RAPGEF3: variants seen among roughly 807,000 people sequenced by gnomAD.
RAPGEF3 encodes the protein 9330170P05Rik.
In RAPGEF3, 103 loss-of-function variants were observed where a neutral mutation model predicts 129.8. The observed-to-expected ratio is 0.79, with a 90% CI of 0.68 to 0.93. The LOEUF is 0.93. Ranked by LOEUF, RAPGEF3 falls within the 40% of genes least tolerant of loss-of-function variation. The pLI is 0.00. For missense variants in RAPGEF3, 1,117 were observed against 1,207.4 expected, an observed-to-expected ratio of 0.93 and a Z score of 1.11; for synonymous variants, 436 against 482.6, an observed-to-expected ratio of 0.90 and a Z score of 1.26.
At chr12:47,737,917 G>T (rs1565746319) in intron 27 of RAPGEF3, 105 bp downstream of exon 27, 30 of 1,396,582 alleles carry the variant, frequency 2.1e-5, no homozygotes, top group Admixed American at 5.4e-5. Flanking sequence ...GTATGGAAGG[G>T]CCGGGCTCCG....
rs1474567672 is a variant in RAPGEF3 at position 47,750,438 on chromosome 12, G to A, written c.672-13C>T. On this transcript the variant is annotated splice_polypyrimidine_tract_variant and intron_variant, in intron 6 of 27. Coordinates refer to ENST00000449771, the MANE Select transcript of RAPGEF3 (RefSeq NM_001098531.4). ...GCGCTGACCTGGGCTGCAGGGACAG[G>A]AGGAATGGGAGCACACTGTGAACTG... The A allele has an allele frequency of 6.2e-7, 1 of 1,609,072 alleles. No individual in the cohort carries two copies.
chr12:47,751,367 C>G, intron 5 of RAPGEF3, 32 bp downstream of exon 5: 1 of 1,611,158 alleles, frequency 6.2e-7, no homozygotes, highest in Non-Finnish European at 8.5e-7. Context: ...CCCAGCCCAG[C>G]CCGGGGCACC....
At chr12:47,741,929 A>G (rs1941193363) in intron 18 of RAPGEF3, 2 of 344,338 alleles carry the variant, frequency 5.8e-6, no homozygotes, top group South Asian at 3.4e-5. Context: ...GTCAAATAAA[A>G]TAATGTATAT....
rs868279697 is a variant in RAPGEF3 at position 47,740,415 on chromosome 12, A to C, written c.2232-20T>G. Reference sequence around the variant, plus strand: ...TTGAGGCTGTGAGCAGAAGACCCAGAGACCCTCAGGGTAAGGGAAGCAGCC... The same window carrying C: ...TTGAGGCTGTGAGCAGAAGACCCAGCGACCCTCAGGGTAAGGGAAGCAGCC... On this transcript the variant is annotated intron_variant, in intron 21 of 27. Coordinates refer to ENST00000449771, the MANE Select transcript of RAPGEF3 (RefSeq NM_001098531.4). 1.3e-5 allele frequency: 21 copies of C among 1,611,784 alleles called. No individual in the cohort carries two copies. In the Middle Eastern group the frequency reaches 3.1e-3, roughly 240 times the overall value.
chr12:47,746,823 G>A (rs773202706), intron 16 of RAPGEF3, 37 bp downstream of exon 16: 23 of 1,568,334 alleles, frequency 1.5e-5, no homozygotes, highest in South Asian at 8.3e-5. Flanking sequence ...TGCAGTCCAG[G>A]AGGAGCAGAG....
In RAPGEF3 at chr12:47,740,294, A is replaced by C; in HGVS notation, c.2322+11T>G. The C allele has an allele frequency of 6.2e-7, 1 of 1,613,794 alleles. No individual in the cohort carries two copies. Among genetic ancestry groups the C allele is most frequent in the Non-Finnish European group, 8.5e-7 (1 of 1,179,754 alleles). ...CTGACCTCAGGAGGGGGCCCTCCAGACCACACTTACCTCCCAGGTGTGGGC... is the reference window on the plus strand; with the variant it reads ...CTGACCTCAGGAGGGGGCCCTCCAGCCCACACTTACCTCCCAGGTGTGGGC... On this transcript the variant is annotated intron_variant, in intron 22 of 27. Coordinates refer to ENST00000449771, the MANE Select transcript of RAPGEF3 (RefSeq NM_001098531.4).
At position 47,735,465 on chromosome 12, in the gene RAPGEF3, TG is replaced by T. The variant is rs1007942000; in HGVS notation, c.*2101del. The T allele has an allele frequency of 3.3e-5, 5 of 152,258 alleles. No individual in the cohort carries two copies. The highest frequency in any genetic ancestry group is 1.2e-4 in the African/African-American group (5 of 41,454). The allele number at this position is 152,258 out of a possible 1,614,324, so 9.4% of individuals were successfully genotyped here. On this transcript the variant is annotated 3_prime_UTR_variant, in exon 28 of 28. Transcript: ENST00000449771. Reference sequence around the variant, plus strand: ...GTCCTCTGGGAGTGGCCTGGCCCCCTGGGCCGCAACTCTTCTAGCTCCCAGA... The same window carrying T: ...GTCCTCTGGGAGTGGCCTGGCCCCCTGGCCGCAACTCTTCTAGCTCCCAGA...
intron 18 of RAPGEF3, chr12:47,742,126 T>C (rs1941202347): frequency 6.5e-6 from 1 of 152,686 alleles, no homozygotes; most frequent in African/African-American, 2.4e-5. Context: ...GGGGAAAATA[T>C]GAGCTCTTCT....
rs529873032 is a variant in RAPGEF3, at chr12:47,758,811, G to C, written c.-255C>G. 34 of 1,233,452 alleles carry C rather than the reference G, an allele frequency of 2.8e-5. No individual in the cohort carries two copies. The South Asian group carries it at 1.1e-3, about 38-fold the overall frequency. The allele number at this position is 1,233,452 out of a possible 1,614,324, so 76.4% of individuals were successfully genotyped here. A position where few individuals can be genotyped will look rare whatever the true frequency, so the allele number is the denominator to read the frequency against. On this transcript the variant is annotated 5_prime_UTR_variant, in exon 1 of 28. Coordinates refer to ENST00000449771, the MANE Select transcript of RAPGEF3 (RefSeq NM_001098531.4). ...GCCACCCAGCCACCGGCGACAGGGA[G>C]CCCCGAGCCTGCGCCTTCGTCTCAG...
In RAPGEF3 at chr12:47,737,572, G is replaced by C. The variant is rs756896746; in HGVS notation, c.2767C>G (p.Pro923Ala). 1.1e-5 allele frequency: 18 copies of C among 1,611,774 alleles called. No individual in the cohort carries two copies. In the African/African-American group the frequency reaches 2.3e-4, roughly 20 times the overall value. The change falls in exon 28 of 28, where the codon CCA becomes GCA. Residue 923 changes from proline to alanine, a missense_variant. Transcript: ENST00000449771. ...ELSRLSRELE[P>A] ...GCTCCAGTCCCAGCCCCTCCTCATGGCTCCAGCTCTCGGGAGAGGCGGGAG... is the reference window on the plus strand; with the variant it reads ...GCTCCAGTCCCAGCCCCTCCTCATGCCTCCAGCTCTCGGGAGAGGCGGGAG...
chr12:47,753,066 A>T (rs796786644), intron 2 of RAPGEF3, among the ~76,000 whole-genome samples: 18 of 152,328 alleles, frequency 1.2e-4, no homozygotes, highest in African/African-American at 4.3e-4. Context: ...CAAAGGGCTC[A>T]CTTTACAGTT....
Position 47,748,103 on chromosome 12 carries a change from G to A in RAPGEF3, c.1293C>T (p.Ser431=), listed in dbSNP as rs142627822. ...FLLTHRVFMP[S]AQLCAALLHH... Reference sequence around the variant, plus strand: ...GCAGAAGGGCAGCGCAGAGTTGGGCGCTGGGCATGAAGACCCTGTGGGTCA... The same window carrying A: ...GCAGAAGGGCAGCGCAGAGTTGGGCACTGGGCATGAAGACCCTGTGGGTCA... The change falls in exon 13 of 28, where the codon AGC becomes AGT. Residue 431 remains serine (S), a synonymous_variant. Transcript: ENST00000449771. The A allele has an allele frequency of 1.9e-3, 3,057 of 1,588,954 alleles. 7 individuals are homozygous for A. Among genetic ancestry groups the A allele is most frequent in the Non-Finnish European group, 2.4e-3 (2,745 of 1,167,300 alleles).
chr12:47,748,991 TCTACCTC>T, intron 10 of RAPGEF3, 60 bp from the exon 11 acceptor site: 2 of 1,336,110 alleles, frequency 1.5e-6, no homozygotes, highest in Non-Finnish European at 1.1e-6. Context: ...GACCCTCTCA[TCTACCTC>T]CTTCATTCCA....
rs751264979 is a variant in RAPGEF3 at position 47,749,994 on chromosome 12, T to C, written c.757-4A>G. 11 of 1,614,134 alleles carry C rather than the reference T, an allele frequency of 6.8e-6. No homozygotes were observed. The highest frequency in any genetic ancestry group is 3.3e-5 in the South Asian group (3 of 91,082). ...CAGCCGCTAATTCTCGCTTCACCTG[T>C]GTGGTGGAGATAGGAGAGTCGGTGG... On this transcript the variant is annotated splice_polypyrimidine_tract_variant and splice_region_variant and intron_variant, in intron 7 of 27. Transcript: ENST00000449771. This position sits in a 1 kb window ranked among gnomAD's most constrained non-coding sequence, Gnocchi z 4.5.
At chr12:47,755,112 G>A (rs1296856612) in intron 2 of RAPGEF3, among the ~76,000 whole-genome samples, 1 of 152,220 alleles carries the variant, frequency 6.6e-6, no homozygotes, top group Non-Finnish European at 1.5e-5. Flanking sequence ...ACTGTTCGTA[G>A]CAAGAGAGAA....
rs749632708 is a variant in RAPGEF3 at position 47,751,903 on chromosome 12, C to T, written c.273+13G>A. 1 of 1,614,150 alleles carries T rather than the reference C, an allele frequency of 6.2e-7. No homozygotes were observed. The highest frequency in any genetic ancestry group is 1.3e-5 in the African/African-American group (1 of 75,054). On this transcript the variant is annotated intron_variant, in intron 3 of 27. Coordinates refer to ENST00000449771, the MANE Select transcript of RAPGEF3 (RefSeq NM_001098531.4). ...TGCTGCCTGTCCCAGCTCCACCCTG[C>T]CCAGGCTTCTACCTGCTCCAGGCTC... is the stretch of plus-strand genomic sequence containing the variant.
At chr12:47,748,766 T>C in intron 11 of RAPGEF3, 53 bp downstream of exon 11, 4 of 1,353,204 alleles carry the variant, frequency 3.0e-6, no homozygotes, top group Non-Finnish European at 4.2e-6. Flanking sequence ...GGAGCAAAGA[T>C]TGGGAAATGA....
chr12:47,751,971 T>C lies in RAPGEF3; in HGVS notation c.220-2A>G, dbSNP rs1941779515. Reference sequence around the variant, plus strand: ...CTCCTCGCTGTTGGTGAGTGGTGTCTGGGGGCAGCAGGGAAAGCGTGCACA... The same window carrying C: ...CTCCTCGCTGTTGGTGAGTGGTGTCCGGGGGCAGCAGGGAAAGCGTGCACA... On this transcript the variant is annotated splice_acceptor_variant, in intron 2 of 27. Coordinates refer to ENST00000449771, the MANE Select transcript of RAPGEF3 (RefSeq NM_001098531.4). LOFTEE classifies it high-confidence loss of function. 6.2e-7 allele frequency: 1 copy of C among 1,613,972 alleles called. No individual in the cohort carries two copies. The highest frequency in any genetic ancestry group is 1.1e-5 in the South Asian group (1 of 91,074).
In RAPGEF3 at chr12:47,740,395, G is replaced by A; in HGVS notation, c.2232C>T (p.His744=). 1 of 1,613,640 alleles carries A rather than the reference G, an allele frequency of 6.2e-7. No homozygotes were observed. The highest frequency in any genetic ancestry group is 8.5e-7 in the Non-Finnish European group (1 of 1,179,816). ...LLRKFIKLAA[H]LKEQKNLNSF... ...AATTGAGATTCTTCTGCTCCTTGAG[G>A]CTGTGAGCAGAAGACCCAGAGACCC... Residue 744 remains histidine (H), a splice_region_variant and synonymous_variant, in exon 22 of 28, where the codon CAC becomes CAT. Transcript: ENST00000449771.
Sources: gnomAD v4.1 joint callset for allele counts (sites outside exome capture counted in the v4.1 genomes callset) on GRCh38, gnomAD v4.1.1 for gene constraint, Gnocchi (gnomAD v3.1) non-coding constraint, MANE v1.5 for transcripts, NCBI Gene and HGNC (gene_info 2026-07-23, HGNC 2026-07-21) for gene names.